LMAN2: variants seen among roughly 807,000 people sequenced by gnomAD.
The protein encoded by LMAN2 is lectin, mannose binding 2, also known as vesicular integral-membrane protein VIP36.
A neutral mutation model predicts 39.3 loss-of-function variants in LMAN2; 22 were observed. The ratio of observed to expected loss-of-function variants is 0.56; its 90% CI spans 0.40 to 0.80. The LOEUF (loss-of-function observed/expected upper bound fraction) is 0.80, where lower values mean the gene tolerates loss of function less well. Ranked by LOEUF, LMAN2 falls within the 30% of genes least tolerant of loss-of-function variation. The pLI, the probability that LMAN2 is intolerant of heterozygous loss-of-function variation, is 0.00. For missense variants in LMAN2, 494 were observed against 505.4 expected, an observed-to-expected ratio of 0.98 and a Z score of 0.22; for synonymous variants, 207 against 207.8, an observed-to-expected ratio of 1.00 and a Z score of 0.03.
intron 2 of LMAN2, among the ~76,000 whole-genome samples, chr5:177,344,570 G>A (rs1219907042): frequency 1.1e-4 from 17 of 150,662 alleles, no homozygotes; most frequent in African/African-American, 4.1e-4. Context: ...GTGAGCCACC[G>A]CGCCCAGCCT....
chr5:177,332,092 G>T lies in LMAN2; in HGVS notation c.1065C>A (p.Phe355Leu). Residue 355 changes from phenylalanine to leucine, a missense_variant, in exon 8 of 8, where the codon TTC becomes TTA. Transcript: ENST00000303127. The surrounding 1 kb of genome is among the most constrained non-coding windows in gnomAD (Gnocchi z 6.3). ...FQKRQERNKR[F>L]Y ...GCCCCGCCGGAGGCGCCACTCAGTAGAAGCGCTTGTTCCGCTCCTGCCGCT... is the reference window on the plus strand; with the variant it reads ...GCCCCGCCGGAGGCGCCACTCAGTATAAGCGCTTGTTCCGCTCCTGCCGCT... 1 of 1,611,388 alleles carries T rather than the reference G, an allele frequency of 6.2e-7. No individual in the cohort carries two copies. Among genetic ancestry groups the T allele is most frequent in the South Asian group, 1.1e-5 (1 of 91,012 alleles).
chr5:177,348,998 C>T (rs1761680654), intron 2 of LMAN2, among the ~76,000 whole-genome samples: 1 of 152,074 alleles, frequency 6.6e-6, no homozygotes, highest in Admixed American at 6.5e-5. Flanking sequence ...TGCTGTCATC[C>T]TTTGCAAATA....
At chr5:177,335,637 A>C (rs930708643) in intron 6 of LMAN2, among the ~76,000 whole-genome samples, 4 of 152,088 alleles carry the variant, frequency 2.6e-5, no homozygotes, top group Non-Finnish European at 5.9e-5. Context: ...GCGAGCTGGA[A>C]ATGATGAAAG....
intron 2 of LMAN2, among the ~76,000 whole-genome samples, chr5:177,349,533 G>A (rs576152080): frequency 2.6e-5 from 4 of 152,120 alleles, no homozygotes; most frequent in Non-Finnish European, 4.4e-5. Context: ...CTGAAAATTC[G>A]ATGAAGGCAA....
rs1761495962 is a variant in LMAN2, at chr5:177,337,698, G to A, written c.513+8C>T. ...TTTCCTGCTCAGCAGGATAGAGCAG[G>A]GGCCTACCTCAGTGGTCTCATCATT... On this transcript the variant is annotated splice_region_variant and intron_variant, in intron 4 of 7. Coordinates refer to ENST00000303127, the MANE Select transcript of LMAN2 (RefSeq NM_006816.3). The surrounding 1 kb of genome is among the most constrained non-coding windows in gnomAD (Gnocchi z 8.2). 1 of 1,613,762 alleles carries A rather than the reference G, an allele frequency of 6.2e-7. No individual in the cohort carries two copies. The highest frequency in any genetic ancestry group is 2.2e-5 in the East Asian group (1 of 44,884).
At chr5:177,341,499 T>C (rs992725037) in intron 2 of LMAN2, among the ~76,000 whole-genome samples, 3 of 152,214 alleles carry the variant, frequency 2.0e-5, no homozygotes, top group African/African-American at 4.8e-5. Flanking sequence ...ATGACTGATA[T>C]GTTTGGAGAT....
chr5:177,334,143 C>T (rs1761433720), intron 7 of LMAN2, 141 bp downstream of exon 7: 1 of 1,406,966 alleles, frequency 7.1e-7, no homozygotes, highest in Non-Finnish European at 9.4e-7. Context: ...GCCAGTGCCG[C>T]TTGCCAGGAC....
Position 177,338,554 on chromosome 5 carries a change from T to C in LMAN2, c.367A>G (p.Thr123Ala), listed in dbSNP as rs1425359194. 1 of 1,614,244 alleles carries C rather than the reference T, an allele frequency of 6.2e-7. No individual in the cohort carries two copies. The highest frequency in any genetic ancestry group is 2.2e-5 in the East Asian group (1 of 44,884). ...EMHVHFKVHG[T>A]GKKNLHGDGI... The stretch of plus-strand genomic sequence containing the variant: ...TCTCCATGGAGGTTCTTCTTCCCTG[T>C]GCCGTGGACTTTGAAGTGGACGTGC... The change falls in exon 3 of 8, where the codon ACA becomes GCA. Residue 123 changes from threonine to alanine, a missense_variant. Physicochemically the swap from Thr to Ala is moderately conservative, Grantham distance 58 (BLOSUM62 0). Coordinates refer to ENST00000303127, the MANE Select transcript of LMAN2 (RefSeq NM_006816.3).
At chr5:177,333,391 G>A (rs1342342380) in intron 7 of LMAN2, among the ~76,000 whole-genome samples, 1 of 152,264 alleles carries the variant, frequency 6.6e-6, no homozygotes, top group East Asian at 1.9e-4. Flanking sequence ...TGCTGGGTGG[G>A]CAAGGCAGGT....
chr5:177,349,783 GC>G (rs1222263732), intron 2 of LMAN2, among the ~76,000 whole-genome samples: 1 of 152,190 alleles, frequency 6.6e-6, no homozygotes, highest in African/African-American at 2.4e-5. Flanking sequence ...ATATCTGAAA[GC>G]CCTAAGACAG....
intron 7 of LMAN2, 55 bp downstream of exon 7, chr5:177,334,229 C>G: frequency 6.4e-7 from 1 of 1,562,890 alleles, no homozygotes; most frequent in Non-Finnish European, 8.7e-7. Flanking sequence ...CTGGCTTCAC[C>G]CCATTCTGGG....
At position 177,351,514 on chromosome 5, in the gene LMAN2, T is replaced by C. The variant is rs1214143081; in HGVS notation, c.134A>G (p.Asp45Gly). Reference protein sequence around the residue: ...LLLLLGSVTADITDGNSEHLK... With the variant: ...LLLLLGSVTAGITDGNSEHLK... Reference sequence around the variant, plus strand: ...ATGTTCACTGTTGCCGTCAGTTATATCCGCAGTCACAGACCCCAACAACAA... The same window carrying C: ...ATGTTCACTGTTGCCGTCAGTTATACCCGCAGTCACAGACCCCAACAACAA... Residue 45 changes from aspartate to glycine, a missense_variant, in exon 1 of 8, where the codon GAT becomes GGT. Transcript: ENST00000303127. 11 of 1,614,234 alleles carry C rather than the reference T, an allele frequency of 6.8e-6. No homozygotes were observed. In the East Asian group the frequency reaches 2.5e-4, roughly 36 times the overall value.
At position 177,337,563 on chromosome 5, in the gene LMAN2, C is replaced by A. The variant is rs112132499; in HGVS notation, c.514-39G>T. ...ATCGGTTACTCCACAAGCAGCCCAGCCTGTGGGGCGAGCAGGGGCACCCAC... is the reference window on the plus strand; with the variant it reads ...ATCGGTTACTCCACAAGCAGCCCAGACTGTGGGGCGAGCAGGGGCACCCAC... On this transcript the variant is annotated intron_variant, in intron 4 of 7. Coordinates refer to ENST00000303127, the MANE Select transcript of LMAN2 (RefSeq NM_006816.3). The surrounding 1 kb of genome is among the most constrained non-coding windows in gnomAD (Gnocchi z 8.2). The A allele has an allele frequency of 1.9e-6, 3 of 1,610,066 alleles. No homozygotes were observed. Among genetic ancestry groups the A allele is most frequent in the African/African-American group, 1.3e-5 (1 of 74,960 alleles).
rs1328553030 is a variant in LMAN2, at chr5:177,332,353, G to A, written c.911-107C>T. On this transcript the variant is annotated intron_variant, in intron 7 of 7. Coordinates refer to ENST00000303127, the MANE Select transcript of LMAN2 (RefSeq NM_006816.3). The surrounding 1 kb of genome is among the most constrained non-coding windows in gnomAD (Gnocchi z 6.3). The stretch of plus-strand genomic sequence containing the variant: ...CAGGACAGCCGGCCACGGTGGGCAG[G>A]CCGGTCGTACTCACCCCCCTCACCG... 8.3e-6 allele frequency: 9 copies of A among 1,078,042 alleles called. No individual in the cohort carries two copies. The East Asian group carries it at 2.0e-4, about 24-fold the overall frequency. 66.8% of individuals were successfully genotyped at this position (1,078,042 alleles called of 1,614,324 possible).
intron 2 of LMAN2, among the ~76,000 whole-genome samples, chr5:177,348,784 T>A (rs748656944): frequency 7.1e-4 from 104 of 147,412 alleles, no homozygotes; most frequent in Non-Finnish European, 1.2e-3. Context: ...CTCAGGGGGC[T>A]GAGGCAGGAG....
In LMAN2 at chr5:177,337,884, G is replaced by T; in HGVS notation, c.434-99C>A. The T allele has an allele frequency of 1.0e-6, 1 of 998,482 alleles. No homozygotes were observed. Among genetic ancestry groups the T allele is most frequent in the Non-Finnish European group, 1.5e-6 (1 of 647,616 alleles). The allele number at this position is 998,482 out of a possible 1,614,324, so 61.9% of individuals were successfully genotyped here. A position where few individuals can be genotyped will look rare whatever the true frequency, so the allele number is the denominator to read the frequency against. ...TGCCAACATGGGTGGGGGCAAGAGA[G>T]CCCAACCCACTGGCCATTCACCGAG... On this transcript the variant is annotated intron_variant, in intron 3 of 7. Transcript: ENST00000303127. This position sits in a 1 kb window ranked among gnomAD's most constrained non-coding sequence, Gnocchi z 8.2.
chr5:177,333,350 G>A lies in LMAN2; in HGVS notation c.910+934C>T, dbSNP rs530672775. Among the ~76,000 whole-genome samples the A allele has an allele frequency of 3.3e-5, 5 of 152,328 alleles. No homozygotes were observed. In the East Asian group the frequency reaches 5.8e-4, roughly 18 times the overall value. On this transcript the variant is annotated intron_variant, in intron 7 of 7. Transcript: ENST00000303127. ...GAACAAATGGATTGAATCTAAAAAC[G>A]AGTTCATCCTGCCTTGCCAGCTGCA... is the stretch of plus-strand genomic sequence containing the variant.
intron 2 of LMAN2, among the ~76,000 whole-genome samples, chr5:177,348,840 C>A (rs1761678053): frequency 6.7e-6 from 1 of 148,498 alleles, no homozygotes; most frequent in Non-Finnish European, 1.5e-5. Context: ...GCCGAGACTG[C>A]GCCACTGCCC....
intron 7 of LMAN2, among the ~76,000 whole-genome samples, chr5:177,333,927 C>T (rs1293117213): frequency 6.6e-6 from 1 of 152,246 alleles, no homozygotes; most frequent in African/African-American, 2.4e-5. Flanking sequence ...CTGGCCACTG[C>T]CCCAGCACCT....
Sources: gnomAD v4.1 joint callset for allele counts (sites outside exome capture counted in the v4.1 genomes callset) on GRCh38, gnomAD v4.1.1 for gene constraint, Gnocchi (gnomAD v3.1) non-coding constraint, MANE v1.5 for transcripts, NCBI Gene and HGNC (gene_info 2026-07-23, HGNC 2026-07-21) for gene names.